SCN3B: variants seen among roughly 807,000 people sequenced by gnomAD.
The protein encoded by SCN3B is sodium voltage-gated channel beta subunit 3.
A neutral mutation model predicts 25.4 loss-of-function variants in SCN3B; 11 were observed. The observed-to-expected ratio is 0.43, with a 90% confidence interval of 0.27 to 0.72. SCN3B has a LOEUF of 0.72. Ranked by LOEUF, SCN3B falls within the 30% of genes least tolerant of loss-of-function variation. SCN3B has a pLI of 0.18. For synonymous variants in SCN3B, 109 were observed against 110.7 expected, an observed-to-expected ratio of 0.99 and a Z score of 0.09; for missense variants, 218 against 278.3, an observed-to-expected ratio of 0.78 and a Z score of 1.54.
chr11:123,652,287 A>G (rs3851095), intron 2 of SCN3B, among the ~76,000 whole-genome samples: 24,325 of 152,090 alleles, frequency 0.16, 1,985 homozygotes, highest in Admixed American at 0.22. Flanking sequence ...CATTGGCAAC[A>G]TATTATAGCT....
At chr11:123,652,247 T>C (rs575238626) in intron 2 of SCN3B, among the ~76,000 whole-genome samples, 1 of 152,288 alleles carries the variant, frequency 6.6e-6, no homozygotes, top group South Asian at 2.1e-4. Context: ...CTGAGAAAAT[T>C]TCAGCCTTAA....
chr11:123,644,803 ATATATATATAT>A (rs1955833439), intron 3 of SCN3B, among the ~76,000 whole-genome samples: 6 of 23,880 alleles, frequency 2.5e-4, no homozygotes, highest in African/African-American at 1.6e-3. Flanking sequence ...GAGAGAGAAT[ATATATATATAT>A]ATATATATAT....
intron 5 of SCN3B, among the ~76,000 whole-genome samples, chr11:123,634,455 A>G (rs1256815222): frequency 1.3e-5 from 2 of 152,202 alleles, no homozygotes; most frequent in Non-Finnish European, 2.9e-5. Flanking sequence ...ATTTAGTTAG[A>G]TTATTATGTT....
At chr11:123,648,468 G>A (rs1485371223) in intron 2 of SCN3B, among the ~76,000 whole-genome samples, 3 of 152,154 alleles carry the variant, frequency 2.0e-5, no homozygotes, top group Non-Finnish European at 2.9e-5. Flanking sequence ...CCTTCTGGGT[G>A]CCAGGCATTA....
intron 2 of SCN3B, among the ~76,000 whole-genome samples, chr11:123,651,069 T>A (rs1390715038): frequency 2.6e-5 from 4 of 151,722 alleles, no homozygotes; most frequent in East Asian, 3.9e-4. Context: ...TTAATTTTTT[T>A]AATACAATTA....
At chr11:123,653,971 T>C (rs1407863368) in intron 1 of SCN3B, 145 bp from the exon 2 acceptor site, 1 of 751,948 alleles carries the variant, frequency 1.3e-6, no homozygotes, top group South Asian at 1.6e-5. Context: ...CTGGGAGCTT[T>C]TGGAGCCGGG....
At position 123,630,553 on chromosome 11, in the gene SCN3B, C is replaced by T. The variant is rs1955658764; in HGVS notation, c.*3246G>A. ...AGAGAAACAGACATCTAGTCTGGGT[C>T]TTTCGTAGGATTATGGGAAGAGACA... On this transcript the variant is annotated 3_prime_UTR_variant, in exon 7 of 7. Coordinates refer to ENST00000299333, the MANE Select transcript of SCN3B (RefSeq NM_001040151.2). 6.6e-6 allele frequency: 1 copy of T among 152,570 alleles called. No homozygotes were observed. The highest frequency in any genetic ancestry group is 2.1e-4 in the South Asian group (1 of 4,822). 9.5% of individuals were successfully genotyped at this position (152,570 alleles called of 1,614,324 possible).
chr11:123,645,535 G>A (rs966845741), intron 3 of SCN3B, 52 bp downstream of exon 3: 1 of 1,597,572 alleles, frequency 6.3e-7, no homozygotes, highest in Non-Finnish European at 8.6e-7. Context: ...GAGCCAGGCT[G>A]GGAACAGCAG....
At chr11:123,653,388 A>G (rs3851101) in intron 2 of SCN3B, among the ~76,000 whole-genome samples, 21,944 of 151,448 alleles carry the variant, frequency 0.14, 1,701 homozygotes, top group Admixed American at 0.21. Flanking sequence ...CCAGGAGTAT[A>G]GACTCCTTGA....
chr11:123,648,001 T>C (rs1004878274), intron 2 of SCN3B, among the ~76,000 whole-genome samples: 51 of 152,310 alleles, frequency 3.3e-4, no homozygotes, highest in African/African-American at 1.2e-3. Context: ...CTTCAGCATA[T>C]GATGAGTCTG....
chr11:123,634,084 C>A, intron 6 of SCN3B, 37 bp downstream of exon 6: 1 of 1,517,154 alleles, frequency 6.6e-7, no homozygotes, highest in South Asian at 1.1e-5. Context: ...ACCTGCCATC[C>A]ACATCTGCCT....
chr11:123,634,248 C>A (rs943243611), intron 5 of SCN3B, 42 bp from the exon 6 acceptor site: 22 of 1,559,666 alleles, frequency 1.4e-5, no homozygotes, highest in Non-Finnish European at 1.9e-5. Context: ...CTTCAGTGCC[C>A]AGCGTGGGAA....
At position 123,634,265 on chromosome 11, in the gene SCN3B, A is replaced by T. The variant is rs539120069; in HGVS notation, c.585-59T>A. 47 of 1,373,216 alleles carry T rather than the reference A, an allele frequency of 3.4e-5. No homozygotes were observed. The East Asian group carries it at 3.4e-4, about 10-fold the overall frequency. The allele number at this position is 1,373,216 out of a possible 1,614,324, so 85.1% of individuals were successfully genotyped here. On this transcript the variant is annotated intron_variant, in intron 5 of 6. Transcript: ENST00000299333. ...TCAGTGCCCAGCGTGGGAACACAAG[A>T]TGGGGAAGGAGCAGGGCACAGGAGC...
In SCN3B at chr11:123,630,026, G is replaced by T. The variant is rs938125618; in HGVS notation, c.*3773C>A. On this transcript the variant is annotated 3_prime_UTR_variant, in exon 7 of 7. Coordinates refer to ENST00000299333, the MANE Select transcript of SCN3B (RefSeq NM_001040151.2). The stretch of plus-strand genomic sequence containing the variant: ...TTCTTTTTTGATCCAATAATTTTGG[G>T]GAGAGAGGAGGGAGTTGCTGTCTCC... 7 of 152,148 alleles carry T rather than the reference G, an allele frequency of 4.6e-5. No homozygotes were observed. Among genetic ancestry groups the T allele is most frequent in the African/African-American group, 1.7e-4 (7 of 41,420 alleles). 9.4% of individuals were successfully genotyped at this position (152,148 alleles called of 1,614,324 possible). A position where few individuals can be genotyped will look rare whatever the true frequency, so the allele number is the denominator to read the frequency against.
At chr11:123,648,058 C>A (rs113943170) in intron 2 of SCN3B, among the ~76,000 whole-genome samples, 2 of 152,140 alleles carry the variant, frequency 1.3e-5, no homozygotes, top group Non-Finnish European at 1.5e-5. Flanking sequence ...ATGTGGTTTG[C>A]GCAAAAGTTT....
Position 123,638,271 on chromosome 11 carries a change from C to T in SCN3B, c.499G>A (p.Val167Ile). Residue 167 changes from valine to isoleucine, a missense_variant, in exon 5 of 7, where the codon GTC becomes ATC. Val to Ile is a conservative substitution (Grantham distance 29). Coordinates refer to ENST00000299333, the MANE Select transcript of SCN3B (RefSeq NM_001040151.2). Reference sequence around the variant, plus strand: ...ATGAGCAGCCACAAGGTGAGGAAGACCAGAAGGATGTACATCATGATTTCT... The same window carrying T: ...ATGAGCAGCCACAAGGTGAGGAAGATCAGAAGGATGTACATCATGATTTCT... The part of the protein sequence containing the change: ...VSEIMMYILL[V>I]FLTLWLLIEM... 6.2e-7 allele frequency: 1 copy of T among 1,614,046 alleles called. No homozygotes were observed. Among genetic ancestry groups the T allele is most frequent in the South Asian group, 1.1e-5 (1 of 91,070 alleles).
chr11:123,647,593 A>T (rs1955868765), intron 2 of SCN3B, among the ~76,000 whole-genome samples: 1 of 152,202 alleles, frequency 6.6e-6, no homozygotes, highest in African/African-American at 2.4e-5. Context: ...CCCCAGAAAA[A>T]AAAAGAAATA....
intron 5 of SCN3B, among the ~76,000 whole-genome samples, chr11:123,634,567 C>T (rs1229043317): frequency 6.6e-6 from 1 of 152,214 alleles, no homozygotes; most frequent in East Asian, 1.9e-4. Flanking sequence ...ATGGTGAAAC[C>T]CTGTCTCTAC....
In SCN3B at chr11:123,629,707, A is replaced by G. The variant is rs1047640638; in HGVS notation, c.*4092T>C. On this transcript the variant is annotated 3_prime_UTR_variant, in exon 7 of 7. Coordinates refer to ENST00000299333, the MANE Select transcript of SCN3B (RefSeq NM_001040151.2). ...AAGATGTTAGTAGAATGAGTGGATG[A>G]TCAGACTGGCAAGCACACCAAGCAC... 6.6e-5 allele frequency: 10 copies of G among 152,246 alleles called. No homozygotes were observed. The highest frequency in any genetic ancestry group is 1.3e-4 in the Admixed American group (2 of 15,274). 9.4% of individuals were successfully genotyped at this position (152,246 alleles called of 1,614,324 possible).
Sources: gnomAD v4.1 joint callset for allele counts (sites outside exome capture counted in the v4.1 genomes callset) on GRCh38, gnomAD v4.1.1 for gene constraint, MANE v1.5 for transcripts, NCBI Gene and HGNC (gene_info 2026-07-23, HGNC 2026-07-21) for gene names.